Variants in FUT9 observed in about 807,000 individuals in gnomAD.
FUT9 encodes 4-galactosyl-N-acetylglucosaminide 3-alpha-L-fucosyltransferase 9.
A neutral mutation model predicts 29.7 loss-of-function variants in FUT9; 15 were observed. The ratio of observed to expected loss-of-function variants is 0.51; its 90% CI spans 0.34 to 0.78. The LOEUF is 0.78. Among genes scored for constraint, FUT9 ranks in the 30% least tolerant of loss-of-function variants. The probability of loss-of-function intolerance (pLI) is 0.01; values close to 1 mark genes in which losing one functional copy is unlikely to be tolerated. For synonymous variants in FUT9, 169 were observed against 153.7 expected (o/e 1.10, Z -0.74); for missense variants, 319 against 425.4 (o/e 0.75, Z 2.20).
intron 1 of FUT9, among the ~76,000 whole-genome samples, chr6:96,097,024 G>A (rs936991136): frequency 2.0e-5 from 3 of 152,076 alleles, no homozygotes; most frequent in African/African-American, 7.2e-5. Context: ...GATAAAGAAA[G>A]TGAAGCTCAC....
chr6:96,212,394 T>C lies in FUT9; in HGVS notation c.*8159T>C. The C allele has an allele frequency of 1.5e-5, 6 of 412,406 alleles. No individual in the cohort carries two copies. Among genetic ancestry groups the C allele is most frequent in the Non-Finnish European group, 2.2e-5 (5 of 225,328 alleles). 25.5% of individuals were successfully genotyped at this position (412,406 alleles called of 1,614,324 possible). ...AGAGTCCTTAAGCAAATGAAGATTA[T>C]CTGATTGTCTATGTAAACCTGGAAG... On this transcript the variant is annotated 3_prime_UTR_variant, in exon 3 of 3. Coordinates refer to ENST00000302103, the MANE Select transcript of FUT9 (RefSeq NM_006581.4).
chr6:96,181,011 T>C (rs1387647845), intron 2 of FUT9, among the ~76,000 whole-genome samples: 1 of 151,688 alleles, frequency 6.6e-6, no homozygotes, highest in Non-Finnish European at 1.5e-5. Context: ...ATAACATACA[T>C]AGTTAGTCAT....
At chr6:96,036,799 C>T (rs1770371933) in intron 1 of FUT9, 2 of 151,898 alleles carry the variant, frequency 1.3e-5, no homozygotes, top group South Asian at 4.1e-4. Context: ...ATCATCCCAC[C>T]TTCCTTTCTG....
At chr6:96,075,874 T>C (rs1241074290) in intron 1 of FUT9, among the ~76,000 whole-genome samples, 3 of 152,174 alleles carry the variant, frequency 2.0e-5, no homozygotes, top group African/African-American at 7.2e-5. Context: ...TCTTTTCCCC[T>C]CGTACATGTT....
chr6:96,170,766 C>A (rs1403947354), intron 2 of FUT9, among the ~76,000 whole-genome samples: 1 of 152,122 alleles, frequency 6.6e-6, no homozygotes, highest in East Asian at 1.9e-4. Context: ...ATTCATACAA[C>A]ATATTTTAAA....
chr6:96,156,579 T>C (rs1772789030), intron 2 of FUT9, among the ~76,000 whole-genome samples: 1 of 152,062 alleles, frequency 6.6e-6, no homozygotes, highest in Non-Finnish European at 1.5e-5. Flanking sequence ...CTCTGCCCCA[T>C]TCCCCCTAGC....
chr6:96,073,272 A>G (rs377715272), intron 1 of FUT9, among the ~76,000 whole-genome samples: 95 of 152,176 alleles, frequency 6.2e-4, no homozygotes, highest in Middle Eastern at 3.4e-3. Flanking sequence ...AATATGGTGA[A>G]ACCTCATCTC....
At chr6:96,162,872 T>C (rs9404334) in intron 2 of FUT9, among the ~76,000 whole-genome samples, 26,539 of 152,182 alleles carry the variant, frequency 0.17, 2,666 homozygotes, top group East Asian at 0.24. Context: ...TTTAATCTTA[T>C]GATTAGGTCA....
At chr6:96,189,470 C>T (rs1317015623) in intron 2 of FUT9, among the ~76,000 whole-genome samples, 1 of 151,980 alleles carries the variant, frequency 6.6e-6, no homozygotes, top group Non-Finnish European at 1.5e-5. Flanking sequence ...GGAGGAATCC[C>T]CAAATTTTAG....
chr6:96,059,712 T>C (rs571041535), intron 1 of FUT9, among the ~76,000 whole-genome samples: 1 of 152,318 alleles, frequency 6.6e-6, no homozygotes, highest in Admixed American at 6.5e-5. Flanking sequence ...TTGAATTTAG[T>C]TTGTGGAATG....
intron 1 of FUT9, among the ~76,000 whole-genome samples, chr6:96,109,509 A>G (rs931831636): frequency 6.6e-6 from 1 of 152,158 alleles, no homozygotes; most frequent in African/African-American, 2.4e-5. Flanking sequence ...CCTTCTCTAC[A>G]AAAAAATTAC....
At chr6:96,194,784 T>C (rs1773592957) in intron 2 of FUT9, among the ~76,000 whole-genome samples, 1 of 151,908 alleles carries the variant, frequency 6.6e-6, no homozygotes, top group African/African-American at 2.4e-5. Context: ...ACAGCTAAGT[T>C]ATAAAAGACT....
At chr6:96,148,817 C>T (rs189342086) in intron 2 of FUT9, among the ~76,000 whole-genome samples, 50 of 152,238 alleles carry the variant, frequency 3.3e-4, no homozygotes, top group Middle Eastern at 3.4e-3. Context: ...TGTTCTCTAA[C>T]TAGTCTTATG....
Position 96,211,208 on chromosome 6 carries a change from G to A in FUT9, c.*6973G>A, listed in dbSNP as rs1773930456. 6.0e-6 allele frequency: 1 copy of A among 166,598 alleles called. No homozygotes were observed. 10.3% of individuals were successfully genotyped at this position (166,598 alleles called of 1,614,324 possible). A position where few individuals can be genotyped will look rare whatever the true frequency, so the allele number is the denominator to read the frequency against. On this transcript the variant is annotated 3_prime_UTR_variant, in exon 3 of 3. Coordinates refer to ENST00000302103, the MANE Select transcript of FUT9 (RefSeq NM_006581.4). The stretch of plus-strand genomic sequence containing the variant: ...AGGGGTGTGAGGAGCTGGCAGTGGT[G>A]GTGAATAGGCATTGTTTGCATTACT...
At chr6:96,122,798 G>A (rs1582248078) in intron 2 of FUT9, among the ~76,000 whole-genome samples, 1 of 151,998 alleles carries the variant, frequency 6.6e-6, no homozygotes, top group Non-Finnish European at 1.5e-5. Context: ...TGTAATTCCA[G>A]CACTTTGGGA....
At chr6:96,072,307 C>A (rs1771076313) in intron 1 of FUT9, among the ~76,000 whole-genome samples, 1 of 152,052 alleles carries the variant, frequency 6.6e-6, no homozygotes, top group African/African-American at 2.4e-5. Flanking sequence ...TCTAAGCAGT[C>A]AGAGCATAGG....
intron 1 of FUT9, among the ~76,000 whole-genome samples, chr6:96,021,676 A>T (rs568023878): frequency 6.6e-6 from 1 of 152,230 alleles, no homozygotes; most frequent in South Asian, 2.1e-4. Flanking sequence ...AAGGAAGATG[A>T]CATATAGTTG....
intron 1 of FUT9, among the ~76,000 whole-genome samples, chr6:96,074,006 A>G (rs1771105225): frequency 6.6e-6 from 1 of 152,146 alleles, no homozygotes; most frequent in Non-Finnish European, 1.5e-5. Flanking sequence ...AAAATCTTTT[A>G]AAATTTAGGG....
chr6:96,112,315 C>A (rs1039385948), intron 1 of FUT9, among the ~76,000 whole-genome samples: 8 of 152,098 alleles, frequency 5.3e-5, no homozygotes, highest in African/African-American at 1.9e-4. Flanking sequence ...AAACACTAAA[C>A]AAATGTTACA....
Sources: allele counts gnomAD v4.1 joint callset (sites outside exome capture counted in the v4.1 genomes callset), GRCh38; gene constraint gnomAD v4.1.1; transcripts MANE v1.5; gene names NCBI Gene and HGNC (gene_info 2026-07-23, HGNC 2026-07-21).